The following UNC13B variants were observed in gnomAD, a reference collection of about 807,000 sequenced individuals.
UNC13B encodes the protein protein unc-13 homolog B.
Under a neutral mutation model 211.0 loss-of-function variants are expected in UNC13B, and 144 were observed. That is an observed-to-expected ratio of 0.68 (90% CI 0.60 to 0.78). The LOEUF is 0.78. UNC13B is among the 30% of genes least tolerant of loss of function. The pLI is 0.00. For synonymous variants in UNC13B, 709 were observed against 725.8 expected (o/e 0.98, Z 0.37); for missense variants, 1,777 against 2,002.0 (o/e 0.89, Z 2.14).
At position 35,396,924 on chromosome 9, in the gene UNC13B, A is replaced by T. The variant is rs1182537984; in HGVS notation, c.11519A>T (p.Asp3840Val). Residue 3840 changes from aspartate to valine, a missense_variant, in exon 28 of 40, where the codon GAT becomes GTT. Coordinates refer to ENST00000635942, the MANE Select transcript of UNC13B (RefSeq NM_001371189.2). ...TTCCTGCGTGGGGCCCTGGAACGAG[A>T]TAAGAAGGATGGAGTAAGTCAGGGG... ...LEFLRGALERDKKDGFQQTSE... is the reference protein window; with the variant it reads ...LEFLRGALERVKKDGFQQTSE... 6.2e-7 allele frequency: 1 copy of T among 1,614,130 alleles called. No homozygotes were observed. Among genetic ancestry groups the T allele is most frequent in the Non-Finnish European group, 8.5e-7 (1 of 1,180,016 alleles).
At chr9:35,397,031 T>C in intron 28 of UNC13B, 94 bp downstream of exon 28, 3 of 1,601,384 alleles carry the variant, frequency 1.9e-6, no homozygotes, top group Admixed American at 1.7e-5. Context: ...AGGATGGCTA[T>C]GCCTGCCCTG....
chr9:35,169,230 C>T (rs905127789), intron 1 of UNC13B, among the ~76,000 whole-genome samples: 9 of 152,168 alleles, frequency 5.9e-5, no homozygotes, highest in East Asian at 5.8e-4. Flanking sequence ...TGACGCATGC[C>T]GGTAGTCTCA....
chr9:35,400,089 A>G (rs575302244), intron 36 of UNC13B, among the ~76,000 whole-genome samples: 1 of 152,168 alleles, frequency 6.6e-6, no homozygotes, highest in African/African-American at 2.4e-5. Flanking sequence ...TCCTTCAAAC[A>G]CTGCCGTACC....
At chr9:35,345,056 A>T (rs1832263673) in intron 11 of UNC13B, among the ~76,000 whole-genome samples, 1 of 152,178 alleles carries the variant, frequency 6.6e-6, no homozygotes, top group African/African-American at 2.4e-5. Context: ...CTATGAAGGA[A>T]ATTCTAGAGG....
chr9:35,321,779 G>C (rs1481685668), intron 11 of UNC13B, among the ~76,000 whole-genome samples: 1 of 151,986 alleles, frequency 6.6e-6, no homozygotes, highest in Non-Finnish European at 1.5e-5. Context: ...ATGATTACTG[G>C]TATGAGCCAT....
chr9:35,208,227 C>CGG (rs1823773314), intron 1 of UNC13B, among the ~76,000 whole-genome samples: 2 of 152,188 alleles, frequency 1.3e-5, no homozygotes, highest in African/African-American at 4.8e-5. Context: ...CAAAGCAGAA[C>CGG]TCTAGACCAA....
chr9:35,384,350 TATC>T, intron 22 of UNC13B, 36 bp downstream of exon 22: 1 of 1,609,136 alleles, frequency 6.2e-7, no homozygotes, highest in Non-Finnish European at 8.5e-7. Context: ...GGATAATAGA[TATC>T]AAGCACGGTC....
intron 11 of UNC13B, among the ~76,000 whole-genome samples, chr9:35,326,830 C>T (rs1831045249): frequency 6.6e-6 from 1 of 152,100 alleles, no homozygotes; most frequent in South Asian, 2.1e-4. Flanking sequence ...GTAACTGAAA[C>T]CACAGAAAGC....
At chr9:35,197,650 G>T (rs1016236912) in intron 1 of UNC13B, among the ~76,000 whole-genome samples, 1 of 152,228 alleles carries the variant, frequency 6.6e-6, no homozygotes, top group African/African-American at 2.4e-5. Flanking sequence ...TGGAGGAGGG[G>T]CCTGGTGGGA....
chr9:35,173,714 G>A (rs1225341579), intron 1 of UNC13B, among the ~76,000 whole-genome samples: 1 of 152,142 alleles, frequency 6.6e-6, no homozygotes, highest in Non-Finnish European at 1.5e-5. Flanking sequence ...GTGAGCCACT[G>A]TGCCTGGCCA....
Position 35,340,927 on chromosome 9 carries a change from C to A in UNC13B, c.9415-26020C>A, listed in dbSNP as rs556590986. The stretch of plus-strand genomic sequence containing the variant: ...TGCTCGGACATTATGTTGCAGTGAA[C>A]AACTTGAGTGTTCTTTGAAGATAAG... On this transcript the variant is annotated intron_variant, in intron 11 of 39. Transcript: ENST00000635942. 2.0e-5 allele frequency among the ~76,000 whole-genome samples: 3 copies of A among 152,262 alleles called. No homozygotes were observed. The East Asian group carries it at 5.8e-4, about 29-fold the overall frequency.
intron 7 of UNC13B, among the ~76,000 whole-genome samples, chr9:35,275,772 T>A (rs571451854): frequency 6.6e-6 from 1 of 152,184 alleles, no homozygotes; most frequent in African/African-American, 2.4e-5. Context: ...TTTGTAGTTT[T>A]AATAGAGACA....
chr9:35,162,311 T>C lies in UNC13B; in HGVS notation c.22+6T>C. On this transcript the variant is annotated splice_donor_region_variant and intron_variant, in intron 1 of 39. Transcript: ENST00000635942. ...GTCACTGCTCTGCGTGCGCGGTGAG[T>C]GCGCGGACTGAGGCGGGGAGGCGGG... 1 of 1,541,780 alleles carries C rather than the reference T, an allele frequency of 6.5e-7. No homozygotes were observed. Among genetic ancestry groups the C allele is most frequent in the Non-Finnish European group, 8.7e-7 (1 of 1,148,394 alleles).
rs529206289 is a variant in UNC13B at position 35,357,807 on chromosome 9, T to C, written c.9415-9140T>C. ...TAAACCATGTTTTTTCTGAATATTATGTGGAACATTTTAACCATTTAAAAA... is the reference window on the plus strand; with the variant it reads ...TAAACCATGTTTTTTCTGAATATTACGTGGAACATTTTAACCATTTAAAAA... On this transcript the variant is annotated intron_variant, in intron 11 of 39. Transcript: ENST00000635942. Among the ~76,000 whole-genome samples the C allele has an allele frequency of 1.4e-4, 22 of 152,350 alleles. No homozygotes were observed. The South Asian group carries it at 3.7e-3, about 26-fold the overall frequency.
At chr9:35,316,133 G>A (rs1217213891) in intron 11 of UNC13B, among the ~76,000 whole-genome samples, 1 of 152,130 alleles carries the variant, frequency 6.6e-6, no homozygotes, top group African/African-American at 2.4e-5. Context: ...CTACCTACCA[G>A]CTAAGTAGCC....
chr9:35,386,311 A>AGGTGGGGCCAGCTGTC lies in UNC13B; in HGVS notation c.11094+19_11094+34dup. 1 of 1,613,640 alleles carries AGGTGGGGCCAGCTGTC rather than the reference A, an allele frequency of 6.2e-7. No individual in the cohort carries two copies. The highest frequency in any genetic ancestry group is 8.5e-7 in the Non-Finnish European group (1 of 1,179,816). ...ACCAGCTGGTAAGAGGTTCAGGATC[A>AGGTGGGGCCAGCTGTC]GGTGGGGCCAGCTGTCAGTGGCTCT... is the stretch of plus-strand genomic sequence containing the variant. On this transcript the variant is annotated intron_variant, in intron 24 of 39. Coordinates refer to ENST00000635942, the MANE Select transcript of UNC13B (RefSeq NM_001371189.2).
intron 7 of UNC13B, among the ~76,000 whole-genome samples, chr9:35,274,102 C>A (rs1396881902): frequency 6.6e-6 from 1 of 152,116 alleles, no homozygotes; most frequent in East Asian, 1.9e-4. Flanking sequence ...AAAAAAGAAG[C>A]CTGGTTAGAA....
At chr9:35,379,222 C>T (rs1834654137) in intron 17 of UNC13B, among the ~76,000 whole-genome samples, 1 of 152,066 alleles carries the variant, frequency 6.6e-6, no homozygotes, top group African/African-American at 2.4e-5. Flanking sequence ...CTGAGGCAGG[C>T]AGATCACCTG....
At chr9:35,371,862 C>A (rs1834148095) in intron 13 of UNC13B, 1 of 152,630 alleles carries the variant, frequency 6.6e-6, no homozygotes, top group Non-Finnish European at 1.5e-5. Context: ...CTCTCAGTTG[C>A]CTCTGAAAGT....
Sources: allele counts gnomAD v4.1 joint callset (sites outside exome capture counted in the v4.1 genomes callset), GRCh38; gene constraint gnomAD v4.1.1; transcripts MANE v1.5; gene names NCBI Gene and HGNC (gene_info 2026-07-23, HGNC 2026-07-21).